CELF2: variants seen among roughly 807,000 people sequenced by gnomAD.
CELF2 encodes CUGBP Elav-like family member 2, also known as CUG triplet repeat RNA-binding protein 2.
A neutral mutation model predicts 62.6 loss-of-function variants in CELF2; 8 were observed. The ratio of observed to expected loss-of-function variants is 0.13; its 90% confidence interval spans 0.07 to 0.23. The LOEUF is 0.23. Among genes scored for constraint, CELF2 ranks in the 10% least tolerant of loss-of-function variants. The probability of loss-of-function intolerance (pLI) is 1.00; values close to 1 mark genes in which losing one functional copy is unlikely to be tolerated. For missense variants in CELF2, 333 were observed against 671.0 expected, an observed-to-expected ratio of 0.50 and a Z score of 5.56; for synonymous variants, 258 against 250.0, an observed-to-expected ratio of 1.03 and a Z score of -0.30.
At chr10:10,490,328 C>T in the CELF2 span, among the ~76,000 whole-genome samples, 1 of 152,206 alleles carries the variant, frequency 6.6e-6, no homozygotes, top group South Asian at 2.1e-4. Flanking sequence ...CACTGTTTTC[C>T]TTTATCACAT....
chr10:11,241,318 G>T (rs572871327), intron 3 of CELF2, among the ~76,000 whole-genome samples: 151 of 152,322 alleles, frequency 9.9e-4, no homozygotes, highest in African/African-American at 3.4e-3. Context: ...TCCTGCCTCA[G>T]TCTCCCAAGT....
rs891623227 is a variant in CELF2, at chr10:11,297,874, C to T, written c.976+9322C>T. 5.3e-5 allele frequency among the ~76,000 whole-genome samples: 8 copies of T among 151,940 alleles called. No individual in the cohort carries two copies. The highest frequency in any genetic ancestry group is 1.9e-4 in the East Asian group (1 of 5,154). ...TGCACACCTGTGGTTCCCAGCTACT[C>T]GGGAGGCTGAGGCAGGAAAATGACT... On this transcript the variant is annotated intron_variant, in intron 9 of 12. Transcript: ENST00000633077. This position sits in a 1 kb window ranked among gnomAD's most constrained non-coding sequence, Gnocchi z 4.4.
At chr10:11,106,612 A>G (rs1339027390) in intron 1 of CELF2, among the ~76,000 whole-genome samples, 2 of 152,278 alleles carry the variant, frequency 1.3e-5, no homozygotes, top group African/African-American at 4.8e-5. Flanking sequence ...AATGGGGACA[A>G]GGACCCAGCA....
At chr10:11,050,207 G>A (rs1170651276) in intron 1 of CELF2, among the ~76,000 whole-genome samples, 1 of 152,226 alleles carries the variant, frequency 6.6e-6, no homozygotes, top group Non-Finnish European at 1.5e-5. Flanking sequence ...TCTAAGAAGA[G>A]AACAGTATTT....
the CELF2 span, among the ~76,000 whole-genome samples, chr10:10,665,112 A>G: frequency 6.6e-6 from 1 of 152,202 alleles, no homozygotes; most frequent in Non-Finnish European, 1.5e-5. Context: ...GAGCCCCTTC[A>G]TTGTTCACTA....
chr10:11,112,676 G>A (rs914140837), intron 1 of CELF2, among the ~76,000 whole-genome samples: 3 of 152,226 alleles, frequency 2.0e-5, no homozygotes, highest in African/African-American at 4.8e-5. Flanking sequence ...TATGGGAAAA[G>A]CAATAGTAAT....
the CELF2 span, among the ~76,000 whole-genome samples, chr10:10,745,323 A>G: frequency 1.2e-4 from 18 of 152,040 alleles, no homozygotes; most frequent in African/African-American, 4.3e-4. Context: ...TTACTAAATT[A>G]TTTTCCTTTC....
the CELF2 span, among the ~76,000 whole-genome samples, chr10:10,513,748 A>G: frequency 6.6e-6 from 1 of 152,240 alleles, no homozygotes; most frequent in Non-Finnish European, 1.5e-5. Flanking sequence ...ATAAACTCGC[A>G]GATTTCACTT....
chr10:10,563,795 G>C, the CELF2 span, among the ~76,000 whole-genome samples: 1 of 152,016 alleles, frequency 6.6e-6, no homozygotes, highest in Non-Finnish European at 1.5e-5. Context: ...GAAACACAAA[G>C]AACAAAACGG....
chr10:10,624,599 C>T, the CELF2 span, among the ~76,000 whole-genome samples: 53 of 152,310 alleles, frequency 3.5e-4, no homozygotes, highest in South Asian at 3.9e-3. Context: ...TGAGCCACCA[C>T]GCCCAGCATC....
chr10:10,974,557 T>C (rs1365570265), intron 2 of CELF2, among the ~76,000 whole-genome samples: 1 of 152,226 alleles, frequency 6.6e-6, no homozygotes, highest in East Asian at 1.9e-4. Context: ...TGAAGAGTCA[T>C]GCACTGACTC....
chr10:11,273,730 T>G (rs1363176570), intron 7 of CELF2, among the ~76,000 whole-genome samples: 2 of 106,384 alleles, frequency 1.9e-5, no homozygotes, highest in Non-Finnish European at 4.0e-5. Context: ...TTTGTTTTTT[T>G]GTTTTTTTTG....
chr10:10,481,070 A>G, the CELF2 span, among the ~76,000 whole-genome samples: 7 of 152,246 alleles, frequency 4.6e-5, no homozygotes, highest in South Asian at 1.5e-3. Context: ...TTTCAGGGGT[A>G]AAAAAAGATC....
At chr10:11,090,110 C>T (rs144209302) in intron 1 of CELF2, among the ~76,000 whole-genome samples, 1 of 151,846 alleles carries the variant, frequency 6.6e-6, no homozygotes, top group East Asian at 1.9e-4. Context: ...CATTTCACAC[C>T]CCAAACCTCA....
the CELF2 span, among the ~76,000 whole-genome samples, chr10:10,545,077 G>A: frequency 6.6e-6 from 1 of 152,282 alleles, no homozygotes; most frequent in East Asian, 1.9e-4. Flanking sequence ...GTAGGACTGA[G>A]CAATCAGCCC....
At chr10:11,059,784 G>A (rs906722837) in intron 1 of CELF2, among the ~76,000 whole-genome samples, 1 of 152,152 alleles carries the variant, frequency 6.6e-6, no homozygotes, top group Non-Finnish European at 1.5e-5. Flanking sequence ...AAACTTAGCT[G>A]GTGAAGGACT....
At chr10:10,727,898 T>A in the CELF2 span, among the ~76,000 whole-genome samples, 3 of 152,190 alleles carry the variant, frequency 2.0e-5, no homozygotes, top group African/African-American at 7.2e-5. Context: ...TTCATTTTTA[T>A]TGAGTGCTAC....
At chr10:10,535,711 T>C in the CELF2 span, among the ~76,000 whole-genome samples, 1 of 152,054 alleles carries the variant, frequency 6.6e-6, no homozygotes, top group Non-Finnish European at 1.5e-5. Context: ...AGAGTGAGAC[T>C]CTTTGTCTCC....
the CELF2 span, among the ~76,000 whole-genome samples, chr10:10,791,313 T>G: frequency 6.9e-6 from 1 of 145,342 alleles, no homozygotes; most frequent in Admixed American, 7.2e-5. Flanking sequence ...CTCTCTTTAA[T>G]GTGGCAAAAA....
Sources: gnomAD v4.1 joint callset for allele counts (sites outside exome capture counted in the v4.1 genomes callset) on GRCh38, gnomAD v4.1.1 for gene constraint, Gnocchi (gnomAD v3.1) non-coding constraint, MANE v1.5 for transcripts, NCBI Gene and HGNC (gene_info 2026-07-23, HGNC 2026-07-21) for gene names.